Variants in IGF1 observed in about 807,000 individuals in gnomAD.
The protein encoded by IGF1 is insulin like growth factor 1, also known as insulin-like growth factor 1.
In IGF1, 4 loss-of-function variants were observed where a neutral mutation model predicts 13.8. The ratio of observed to expected loss-of-function variants is 0.29; its 90% CI spans 0.14 to 0.66. The LOEUF (loss-of-function observed/expected upper bound fraction) is 0.66. IGF1 is among the 30% of genes least tolerant of loss of function. The pLI is 0.78. For missense variants in IGF1, 124 were observed against 188.5 expected (o/e 0.66, Z 2.00); for synonymous variants, 76 against 72.6 (o/e 1.05, Z -0.23).
intron 2 of IGF1, among the ~76,000 whole-genome samples, chr12:102,446,309 C>T (rs527598007): frequency 6.4e-4 from 97 of 152,214 alleles, no homozygotes; most frequent in African/African-American, 2.3e-3. Context: ...ACCAGCTCCT[C>T]TTTGTACCTC....
chr12:102,443,681 T>C (rs1229791951), intron 2 of IGF1, among the ~76,000 whole-genome samples: 1 of 152,092 alleles, frequency 6.6e-6, no homozygotes, highest in African/African-American at 2.4e-5. Context: ...ATGTCTCCAT[T>C]ATGGCTTTGT....
intron 2 of IGF1, among the ~76,000 whole-genome samples, chr12:102,436,521 G>A (rs970975915): frequency 5.9e-5 from 9 of 152,078 alleles, no homozygotes; most frequent in African/African-American, 1.7e-4. Flanking sequence ...GGGTAATGGA[G>A]AGAAGCCAAA....
intron 3 of IGF1, among the ~76,000 whole-genome samples, chr12:102,416,994 A>AG (rs1491014547): frequency 6.6e-6 from 1 of 152,194 alleles, no homozygotes; most frequent in African/African-American, 2.4e-5. Context: ...GTGAAGACAC[A>AG]GGGGGAGAAG....
At chr12:102,450,788 T>C (rs1878853034) in intron 2 of IGF1, among the ~76,000 whole-genome samples, 1 of 152,202 alleles carries the variant, frequency 6.6e-6, no homozygotes, top group Non-Finnish European at 1.5e-5. Flanking sequence ...TCTTTCCAAT[T>C]TGAATAAGAT....
chr12:102,442,233 G>A (rs990875753), intron 2 of IGF1, among the ~76,000 whole-genome samples: 2 of 151,944 alleles, frequency 1.3e-5, no homozygotes, highest in African/African-American at 4.8e-5. Context: ...TCAGGAGTGA[G>A]CCACTGCATC....
intron 3 of IGF1, among the ~76,000 whole-genome samples, chr12:102,410,581 A>C (rs1874551175): frequency 6.6e-6 from 1 of 152,104 alleles, no homozygotes; most frequent in South Asian, 2.1e-4. Context: ...TCTGACATAC[A>C]ATTTATGCTA....
At chr12:102,415,544 T>TTCCTTCCTTCCTTCCTTCCTTCCG (rs1875030681) in intron 3 of IGF1, among the ~76,000 whole-genome samples, 15 of 27,748 alleles carry the variant, frequency 5.4e-4, no homozygotes, top group African/African-American at 1.7e-3. Flanking sequence ...TTCCTTCCCT[T>TTCCTTCCTTCCTTCCTTCCTTCCG]TCCTTCCTTC....
rs562967194 is a variant in IGF1 at position 102,429,664 on chromosome 12, A to C, written c.221-9974T>G. 6.6e-5 allele frequency among the ~76,000 whole-genome samples: 10 copies of C among 152,358 alleles called. 1 individual carries two copies. The East Asian group carries it at 1.7e-3, about 26-fold the overall frequency. On this transcript the variant is annotated intron_variant, in intron 2 of 3. Transcript: ENST00000337514. Reference sequence around the variant, plus strand: ...TAACAAATGTAATTATCCATCGAGAAAAATCTCTGATTTATTTTACTGAAT... The same window carrying C: ...TAACAAATGTAATTATCCATCGAGACAAATCTCTGATTTATTTTACTGAAT...
chr12:102,475,280 A>T (rs113607978), intron 2 of IGF1, among the ~76,000 whole-genome samples: 14 of 152,196 alleles, frequency 9.2e-5, no homozygotes, highest in African/African-American at 3.4e-4. Context: ...CATGTGTTCC[A>T]TATGTTTATA....
At chr12:102,461,122 C>A in intron 2 of IGF1, among the ~76,000 whole-genome samples, 1 of 152,136 alleles carries the variant, frequency 6.6e-6, no homozygotes, top group Non-Finnish European at 1.5e-5. Context: ...GTCTCCAATC[C>A]AAAGGCCCCC....
In IGF1 at chr12:102,396,152, A is replaced by G. The variant is rs910739427; in HGVS notation, c.*6355T>C. ...GGCCAGTCATTATTTTCTGGTTTCAAAGTAGCAGGGGAAATTAATTCAGTG... is the reference window on the plus strand; with the variant it reads ...GGCCAGTCATTATTTTCTGGTTTCAGAGTAGCAGGGGAAATTAATTCAGTG... On this transcript the variant is annotated 3_prime_UTR_variant, in exon 4 of 4. Coordinates refer to ENST00000337514, the MANE Select transcript of IGF1 (RefSeq NM_000618.5). 1 of 152,200 alleles carries G rather than the reference A, an allele frequency of 6.6e-6. No individual in the cohort carries two copies. Among genetic ancestry groups the G allele is most frequent in the Non-Finnish European group, 1.5e-5 (1 of 68,030 alleles). 9.4% of individuals were successfully genotyped at this position (152,200 alleles called of 1,614,324 possible).
At chr12:102,419,077 G>A (rs969386473) in intron 3 of IGF1, among the ~76,000 whole-genome samples, 1 of 152,254 alleles carries the variant, frequency 6.6e-6, no homozygotes, top group East Asian at 1.9e-4. Flanking sequence ...CTTTATGCAG[G>A]CATGTGAAAA....
chr12:102,424,159 C>T (rs1266108420), intron 2 of IGF1, among the ~76,000 whole-genome samples: 1 of 151,176 alleles, frequency 6.6e-6, no homozygotes, highest in Non-Finnish European at 1.5e-5. Context: ...TTAAGATATA[C>T]ATTTGTTATT....
intron 2 of IGF1, among the ~76,000 whole-genome samples, chr12:102,438,249 A>C (rs1192349256): frequency 6.6e-6 from 1 of 151,758 alleles, no homozygotes; most frequent in African/African-American, 2.4e-5. Flanking sequence ...TTTCTATCAC[A>C]CTCTTCAGAG....
At chr12:102,481,270 AC>A (rs1162604763), upstream of IGF1, among the ~76,000 whole-genome samples, 1 of 151,276 alleles carries the variant, frequency 6.6e-6, no homozygotes, top group East Asian at 2.0e-4. Flanking sequence ...TCCCCTCCCC[AC>A]CCCACCACTC....
rs147960415 is a variant in IGF1, at chr12:102,475,656, C to T, written c.207G>A (p.Arg69=). The part of the protein sequence containing the change: ...VDALQFVCGD[R]GFYFNKPTGY... ...AGGGCTACTTACTGAAATAAAAGCC[C>T]CTGTCTCCACACACGAACTGAAGAG... is the stretch of plus-strand genomic sequence containing the variant. The change falls in exon 2 of 4, where the codon AGG becomes AGA. Residue 69 remains arginine (R), a synonymous_variant. Transcript: ENST00000337514. 3.0e-3 allele frequency: 4,770 copies of T among 1,614,134 alleles called. 11 individuals are homozygous for T. Among genetic ancestry groups the T allele is most frequent in the Non-Finnish European group, 3.9e-3 (4,549 of 1,180,014 alleles).
chr12:102,421,353 T>G (rs1013825123), intron 2 of IGF1, among the ~76,000 whole-genome samples: 1 of 152,096 alleles, frequency 6.6e-6, no homozygotes, highest in African/African-American at 2.4e-5. Flanking sequence ...AAACAATATT[T>G]TTTTGTTTTT....
In IGF1 at chr12:102,400,467, T is replaced by TC. The variant is rs1873595372; in HGVS notation, c.*2039_*2040insG. The TC allele has an allele frequency of 6.6e-6, 1 of 152,174 alleles. No individual in the cohort carries two copies. Among genetic ancestry groups the TC allele is most frequent in the Admixed American group, 6.6e-5 (1 of 15,262 alleles). The allele number at this position is 152,174 out of a possible 1,614,324, so 9.4% of individuals were successfully genotyped here. ...ATTCACAGAGAGCTAGGGGCTACCC[T>TC]TCTGAGCAGGCATGGGAAATTTCTT... On this transcript the variant is annotated 3_prime_UTR_variant, in exon 4 of 4. Coordinates refer to ENST00000337514, the MANE Select transcript of IGF1 (RefSeq NM_000618.5).
chr12:102,430,713 C>T (rs924511885), intron 2 of IGF1, among the ~76,000 whole-genome samples: 1 of 152,168 alleles, frequency 6.6e-6, no homozygotes, highest in African/African-American at 2.4e-5. Flanking sequence ...TCATCTTCTC[C>T]TCTTCATCTC....
Sources: gnomAD v4.1 joint callset for allele counts (sites outside exome capture counted in the v4.1 genomes callset) on GRCh38, gnomAD v4.1.1 for gene constraint, MANE v1.5 for transcripts, NCBI Gene and HGNC (gene_info 2026-07-23, HGNC 2026-07-21) for gene names.